HECTD3: variants seen among roughly 807,000 people sequenced by gnomAD.
HECTD3 encodes E3 ubiquitin-protein ligase HECTD3.
In HECTD3, 72 loss-of-function variants were observed where a neutral mutation model predicts 109.3. The ratio of observed to expected loss-of-function variants is 0.66; its 90% CI spans 0.54 to 0.80. The LOEUF is 0.80. Among genes scored for constraint, HECTD3 ranks in the 30% least tolerant of loss-of-function variants. The pLI, the probability that HECTD3 is intolerant of heterozygous loss-of-function variation, is 0.00. For synonymous variants in HECTD3, 481 were observed against 471.8 expected, an observed-to-expected ratio of 1.02 and a Z score of -0.25; for missense variants, 1,041 against 1,165.2, an observed-to-expected ratio of 0.89 and a Z score of 1.55.
Position 45,006,743 on chromosome 1 carries a change from GC to G in HECTD3, c.1673del (p.Ser558ThrfsTer47), listed in dbSNP as rs1394663594. ...GCAGGGGCACGGGGGTATCCGCTGA[GC>G]TAGGGCACAGCTCTTCTGACATATC... Reference protein sequence around the residue: ...LADMSEELCPSSADTPVPLPF... With the variant: ...LADMSEELCPXSADTPVPLPF... On this transcript the variant is annotated frameshift_variant, in exon 13 of 21. Transcript: ENST00000372172. LOFTEE classifies it high-confidence loss of function. This position sits in a 1 kb window ranked among gnomAD's most constrained non-coding sequence, Gnocchi z 4.7. 6.2e-7 allele frequency: 1 copy of G among 1,613,742 alleles called. No homozygotes were observed. Among genetic ancestry groups the G allele is most frequent in the East Asian group, 2.2e-5 (1 of 44,884 alleles).
Position 45,006,716 on chromosome 1 carries a change from G to A in HECTD3, c.1701C>T (p.Pro567=). Residue 567 remains proline, a synonymous_variant, in exon 13 of 21, where the codon CCC becomes CCT. Coordinates refer to ENST00000372172, the MANE Select transcript of HECTD3 (RefSeq NM_024602.6). This position sits in a 1 kb window ranked among gnomAD's most constrained non-coding sequence, Gnocchi z 4.7. ...PSSADTPVPL[P]FFVRTANQGN... is the part of the protein sequence containing the mutation. ...CCTGGTTGGCTGTGCGTACAAAGAA[G>A]GGCAGGGGCACGGGGGTATCCGCTG... is the stretch of plus-strand genomic sequence containing the variant. 1 of 1,613,332 alleles carries A rather than the reference G, an allele frequency of 6.2e-7. No individual in the cohort carries two copies.
At chr1:45,007,047 G>C (rs1277191081) in intron 11 of HECTD3, 32 bp from the exon 12 acceptor site, 1 of 1,612,234 alleles carries the variant, frequency 6.2e-7, no homozygotes, top group Non-Finnish European at 8.5e-7. Context: ...TTGTCATTAT[G>C]TGGGGCCAGG....
chr1:45,010,827 C>G (rs2148979902), intron 1 of HECTD3, 62 bp downstream of exon 1: 1 of 1,504,994 alleles, frequency 6.6e-7, no homozygotes, highest in Non-Finnish European at 8.8e-7. Flanking sequence ...AAAAGGCAAA[C>G]AGCCAGAGGT....
chr1:45,007,696 G>T, intron 9 of HECTD3, 101 bp from the exon 10 acceptor site: 1 of 1,003,448 alleles, frequency 1.0e-6, no homozygotes, highest in East Asian at 2.6e-5. Flanking sequence ...CACCGTTTCA[G>T]TTCAAGTCTA....
rs1644766161 is a variant in HECTD3 at position 45,009,575 on chromosome 1, T to C, written c.868A>G (p.Ile290Val). 1.2e-6 allele frequency: 2 copies of C among 1,613,046 alleles called. No homozygotes were observed. Among genetic ancestry groups the C allele is most frequent in the Admixed American group, 1.7e-5 (1 of 60,002 alleles). Residue 290 changes from isoleucine (I) to valine (V), a missense_variant, in exon 5 of 21, where the codon ATT becomes GTT. This residue lies in a region of HECTD3 where 472 missense variants were observed against 449.9 expected (regional missense o/e 1.05). Coordinates refer to ENST00000372172, the MANE Select transcript of HECTD3 (RefSeq NM_024602.6). Reference sequence around the variant, plus strand: ...TGCCCAGAGCCTACTTACTTGACAATGGTGCCCTTCTTCATAGTAAGCCGT... The same window carrying C: ...TGCCCAGAGCCTACTTACTTGACAACGGTGCCCTTCTTCATAGTAAGCCGT... ...WVRLTMKKGT[I>V]VKKLLLTVDT...
chr1:45,005,648 T>C (rs781024443), intron 15 of HECTD3, 146 bp downstream of exon 15: 1 of 621,488 alleles, frequency 1.6e-6, no homozygotes, highest in African/African-American at 1.8e-5. Context: ...GGGTCACGAG[T>C]CTACAGACAG....
intron 9 of HECTD3, among the ~76,000 whole-genome samples, chr1:45,007,926 T>A (rs749523244): frequency 6.6e-6 from 1 of 152,174 alleles, no homozygotes; most frequent in Non-Finnish European, 1.5e-5. Flanking sequence ...TCTGTCATAC[T>A]CACACCTACT....
Position 45,005,812 on chromosome 1 carries a change from T to TG in HECTD3, c.1916dup (p.Ala640SerfsTer22), listed in dbSNP as rs1414094604. 1 of 1,603,746 alleles carries TG rather than the reference T, an allele frequency of 6.2e-7. No homozygotes were observed. Among genetic ancestry groups the TG allele is most frequent in the Non-Finnish European group, 8.5e-7 (1 of 1,174,686 alleles). ...TACTCACCAGCACAGAGTCCACAGC[T>TG]GGGAAGTCCTTGCTCCAGCTCACCT... On this transcript the variant is annotated frameshift_variant, in exon 15 of 21. Coordinates refer to ENST00000372172, the MANE Select transcript of HECTD3 (RefSeq NM_024602.6). LOFTEE classifies it high-confidence loss of function.
chr1:45,009,868 A>T, intron 4 of HECTD3, 118 bp downstream of exon 4: 1 of 1,295,518 alleles, frequency 7.7e-7, no homozygotes, highest in Non-Finnish European at 1.1e-6. Flanking sequence ...AGCTGAACTG[A>T]GTGTGGCCTG....
In HECTD3 at chr1:45,006,744, C is replaced by T. The variant is rs760071248; in HGVS notation, c.1673G>A (p.Ser558Asn). 2.5e-6 allele frequency: 4 copies of T among 1,613,812 alleles called. No individual in the cohort carries two copies. The highest frequency in any genetic ancestry group is 1.1e-5 in the South Asian group (1 of 91,002). Reference sequence around the variant, plus strand: ...CAGGGGCACGGGGGTATCCGCTGAGCTAGGGCACAGCTCTTCTGACATATC... The same window carrying T: ...CAGGGGCACGGGGGTATCCGCTGAGTTAGGGCACAGCTCTTCTGACATATC... ...LADMSEELCPSSADTPVPLPF... is the reference protein window; with the variant it reads ...LADMSEELCPNSADTPVPLPF... Residue 558 changes from serine (S) to asparagine (N), a missense_variant, in exon 13 of 21, where the codon AGC becomes AAC. Around this residue, in one of 2 missense-constraint regions of HECTD3, gnomAD observed 569 missense variants for 715.3 expected, o/e 0.80. Transcript: ENST00000372172. The surrounding 1 kb of genome is among the most constrained non-coding windows in gnomAD (Gnocchi z 4.7).
intron 4 of HECTD3, 26 bp downstream of exon 4, chr1:45,009,960 G>A: frequency 6.6e-7 from 1 of 1,517,784 alleles, no homozygotes; most frequent in Non-Finnish European, 8.8e-7. Context: ...TATCTTGCCT[G>A]GGGTGGGAGG....
intron 8 of HECTD3, 102 bp downstream of exon 8, chr1:45,008,434 G>T: frequency 6.7e-7 from 1 of 1,499,316 alleles, no homozygotes; most frequent in Non-Finnish European, 9.3e-7. Context: ...TCTGACCCTT[G>T]AACAGCTTAT....
intron 16 of HECTD3, 49 bp from the exon 17 acceptor site, chr1:45,004,426 G>A (rs968003878): frequency 9.9e-6 from 16 of 1,612,604 alleles, no homozygotes; most frequent in South Asian, 9.9e-5. Context: ...CACACCTCCC[G>A]CCTCACACTG....
Position 45,011,320 on chromosome 1 carries a change from C to A in HECTD3, c.-63G>T. On this transcript the variant is annotated 5_prime_UTR_variant, in exon 1 of 21. Coordinates refer to ENST00000372172, the MANE Select transcript of HECTD3 (RefSeq NM_024602.6). The stretch of plus-strand genomic sequence containing the variant: ...GCCCGGGGAACAGCTGGCGCGACCG[C>A]GGACAGAGCTTCCCACCACGCCCTT... 1 of 1,348,302 alleles carries A rather than the reference C, an allele frequency of 7.4e-7. No homozygotes were observed. The allele number at this position is 1,348,302 out of a possible 1,614,324, so 83.5% of individuals were successfully genotyped here. A position where few individuals can be genotyped will look rare whatever the true frequency, so the allele number is the denominator to read the frequency against.
In HECTD3 at chr1:45,010,126, G is replaced by A. The variant is rs1037960095; in HGVS notation, c.624-5C>T. On this transcript the variant is annotated splice_polypyrimidine_tract_variant and splice_region_variant and intron_variant, in intron 3 of 20. Coordinates refer to ENST00000372172, the MANE Select transcript of HECTD3 (RefSeq NM_024602.6). The stretch of plus-strand genomic sequence containing the variant: ...GTCCATGTCGGGGGTACATAGCTAA[G>A]CAACCCCAAGCCCCTAATTAGACTG... 7.4e-6 allele frequency: 12 copies of A among 1,612,012 alleles called. No homozygotes were observed. Among genetic ancestry groups the A allele is most frequent in the Non-Finnish European group, 1.0e-5 (12 of 1,178,312 alleles).
At chr1:45,010,423 C>T in intron 2 of HECTD3, 123 bp downstream of exon 2, 2 of 1,480,158 alleles carry the variant, frequency 1.4e-6, no homozygotes, top group Non-Finnish European at 1.9e-6. Context: ...CGTCCCGCCC[C>T]TTTCTGCTCT....
At chr1:45,004,536 G>C in intron 16 of HECTD3, 64 bp downstream of exon 16, 1 of 1,599,786 alleles carries the variant, frequency 6.3e-7, no homozygotes, top group Non-Finnish European at 8.6e-7. Context: ...CTGTGTTCTG[G>C]GTCCCAGGAG....
chr1:45,004,481 G>T, intron 16 of HECTD3, 104 bp from the exon 17 acceptor site: 1 of 1,595,148 alleles, frequency 6.3e-7, no homozygotes, highest in Non-Finnish European at 8.6e-7. Flanking sequence ...GTGGCACTGA[G>T]GAATGGTGGG....
Position 45,003,754 on chromosome 1 carries a change from G to A in HECTD3, c.2430-14C>T. 1.2e-6 allele frequency: 2 copies of A among 1,614,032 alleles called. No homozygotes were observed. The highest frequency in any genetic ancestry group is 2.2e-5 in the East Asian group (1 of 44,836). ...GTGGTCTCGTAGCTGGGGGCATTGAGGGACCATAGGTCAGGAAGATGTGTT... is the reference window on the plus strand; with the variant it reads ...GTGGTCTCGTAGCTGGGGGCATTGAAGGACCATAGGTCAGGAAGATGTGTT... On this transcript the variant is annotated splice_polypyrimidine_tract_variant and intron_variant, in intron 19 of 20. Coordinates refer to ENST00000372172, the MANE Select transcript of HECTD3 (RefSeq NM_024602.6). This position sits in a 1 kb window ranked among gnomAD's most constrained non-coding sequence, Gnocchi z 4.7.
Sources: gnomAD v4.1 joint callset for allele counts (sites outside exome capture counted in the v4.1 genomes callset) on GRCh38, gnomAD v4.1.1 for gene constraint, gnomAD v4.1.1 regional missense constraint, Gnocchi (gnomAD v3.1) non-coding constraint, MANE v1.5 for transcripts, NCBI Gene and HGNC (gene_info 2026-07-23, HGNC 2026-07-21) for gene names.